RASGRP2: variants seen among roughly 807,000 people sequenced by gnomAD.
RASGRP2 encodes RAS guanyl releasing protein 2, also known as RAS guanyl-releasing protein 2.
Under a neutral mutation model 71.0 loss-of-function variants are expected in RASGRP2, and 44 were observed. That is an observed-to-expected ratio of 0.62 (90% confidence interval 0.49 to 0.80). The LOEUF (loss-of-function observed/expected upper bound fraction) is 0.80. Among genes scored for constraint, RASGRP2 ranks in the 30% least tolerant of loss-of-function variants. RASGRP2 has a pLI of 0.00. For missense variants in RASGRP2, 663 were observed against 813.4 expected (o/e 0.82, Z 2.25); for synonymous variants, 350 against 330.7 (o/e 1.06, Z -0.63).
intron 5 of RASGRP2, 108 bp downstream of exon 5, chr11:64,740,840 C>T (rs551599155): frequency 1.4e-5 from 20 of 1,468,754 alleles, no homozygotes; most frequent in East Asian, 6.8e-5. Flanking sequence ...GGTTTTTAAG[C>T]GAGAGAGCAA....
Position 64,742,922 on chromosome 11 carries a change from G to C in RASGRP2, c.-56C>G, listed in dbSNP as rs770564842. On this transcript the variant is annotated 5_prime_UTR_variant, in exon 2 of 17. Transcript: ENST00000394432. This position sits in a 1 kb window ranked among gnomAD's most constrained non-coding sequence, Gnocchi z 4.7. ...GCTGCGCTCCGGGAGCCTCCCACCG[G>C]GCTCGGACCGAACCCCTGTCCCGGG... The C allele has an allele frequency of 1.8e-5, 27 of 1,540,304 alleles. No individual in the cohort carries two copies. Among genetic ancestry groups the C allele is most frequent in the Admixed American group, 5.8e-5 (3 of 51,284 alleles).
chr11:64,739,997 A>G lies in RASGRP2; in HGVS notation c.522+16T>C, dbSNP rs760415547. On this transcript the variant is annotated intron_variant, in intron 6 of 16. Transcript: ENST00000394432. This position sits in a 1 kb window ranked among gnomAD's most constrained non-coding sequence, Gnocchi z 4.2. The stretch of plus-strand genomic sequence containing the variant: ...GCCCACATTGGACCCCTGACCCCCC[A>G]GCCCTCGGGCCGCACCAGGATCTTG... 6 of 1,613,948 alleles carry G rather than the reference A, an allele frequency of 3.7e-6. No individual in the cohort carries two copies. The East Asian group carries it at 1.3e-4, about 36-fold the overall frequency.
In RASGRP2 at chr11:64,735,965, A is replaced by G; in HGVS notation, c.1111T>C (p.Tyr371His). ...TGGTACAGCTCATCCTCCGTCTGATACTGATCCAGAGACACCTGGGACACA... is the reference window on the plus strand; with the variant it reads ...TGGTACAGCTCATCCTCCGTCTGATGCTGATCCAGAGACACCTGGGACACA... ...LSLLTVSLDQYQTEDELYQLS... is the reference protein window; with the variant it reads ...LSLLTVSLDQHQTEDELYQLS... Residue 371 changes from tyrosine (Y) to histidine (H), a missense_variant, in exon 10 of 17, where the codon TAT becomes CAT. Coordinates refer to ENST00000394432, the MANE Select transcript of RASGRP2 (RefSeq NM_001098671.2). The surrounding 1 kb of genome is among the most constrained non-coding windows in gnomAD (Gnocchi z 4.2). 6.2e-7 allele frequency: 1 copy of G among 1,613,940 alleles called. No homozygotes were observed. Among genetic ancestry groups the G allele is most frequent in the Non-Finnish European group, 8.5e-7 (1 of 1,179,944 alleles).
Position 64,729,776 on chromosome 11 carries a change from C to G in RASGRP2, c.1577G>C (p.Gly526Ala). ...TTCCATCTCACCTCGGCATTTGAGG[C>G]CCTGCTTGTAGATGCCCAGGATCTG... ...KALILGIYKQ[G>A]LKCRACGVNC... Residue 526 changes from glycine to alanine, a missense_variant, in exon 14 of 17, where the codon GGC becomes GCC. Physicochemically the swap from Gly to Ala is moderately conservative, Grantham distance 60. Transcript: ENST00000394432. 1 of 1,614,114 alleles carries G rather than the reference C, an allele frequency of 6.2e-7. No individual in the cohort carries two copies. The highest frequency in any genetic ancestry group is 8.5e-7 in the Non-Finnish European group (1 of 1,180,030).
chr11:64,743,885 G>C lies in RASGRP2; in HGVS notation c.-72+118C>G. Reference sequence around the variant, plus strand: ...GCCGGGGACCTAAGTGGAGGTGCAGGCGTCCGCACTTACACGCACCGGGCC... The same window carrying C: ...GCCGGGGACCTAAGTGGAGGTGCAGCCGTCCGCACTTACACGCACCGGGCC... On this transcript the variant is annotated intron_variant, in intron 1 of 16. Transcript: ENST00000394432. This position sits in a 1 kb window ranked among gnomAD's most constrained non-coding sequence, Gnocchi z 4.9. 1.5e-6 allele frequency: 1 copy of C among 672,556 alleles called. No homozygotes were observed. Among genetic ancestry groups the C allele is most frequent in the African/African-American group, 2.0e-5 (1 of 50,212 alleles). The allele number at this position is 672,556 out of a possible 1,614,324, so 41.7% of individuals were successfully genotyped here.
chr11:64,727,890 G>A (rs996278545), intron 15 of RASGRP2, among the ~76,000 whole-genome samples: 4 of 152,106 alleles, frequency 2.6e-5, no homozygotes, highest in Admixed American at 2.0e-4. Flanking sequence ...ATTTGTCAGC[G>A]CAGTTTGCTT....
intron 5 of RASGRP2, chr11:64,740,462 G>A (rs1363842208): frequency 1.6e-6 from 1 of 640,556 alleles, no homozygotes; most frequent in Admixed American, 2.1e-5. Context: ...GAGGGAGACA[G>A]ACACAGAAAC....
chr11:64,727,414 C>T, intron 15 of RASGRP2, 54 bp from the exon 16 acceptor site: 2 of 1,561,540 alleles, frequency 1.3e-6, no homozygotes, highest in Non-Finnish European at 1.8e-6. Flanking sequence ...GGGACTTCAT[C>T]AACCCTTCCC....
chr11:64,730,079 C>T lies in RASGRP2; in HGVS notation c.1528G>A (p.Val510Ile), dbSNP rs1257566950. The change falls in exon 13 of 17, where the codon GTC becomes ATC. Residue 510 changes from valine to isoleucine, a missense_variant. Physicochemically the swap from Val to Ile is conservative, Grantham distance 29. Transcript: ENST00000394432. ...AGGGCTTTGCAGTGGCGGCAGGCGACGGGGCGCAAGGAGTTGCTCTCCTGG... is the reference window on the plus strand; with the variant it reads ...AGGGCTTTGCAGTGGCGGCAGGCGATGGGGCGCAAGGAGTTGCTCTCCTGG... ...NFQESNSLRP[V>I]ACRHCKALIL... 12 of 1,550,144 alleles carry T rather than the reference C, an allele frequency of 7.7e-6. No individual in the cohort carries two copies. The highest frequency in any genetic ancestry group is 2.1e-4 in the Middle Eastern group (1 of 4,724).
rs1004911225 is a variant in RASGRP2 at position 64,728,973 on chromosome 11, C to T, written c.1661G>A (p.Ser554Asn). The T allele has an allele frequency of 1.2e-6, 2 of 1,611,110 alleles. No homozygotes were observed. The highest frequency in any genetic ancestry group is 8.5e-7 in the Non-Finnish European group (1 of 1,179,646). The change falls in exon 15 of 17, where the codon AGT (serine) becomes AAT (asparagine). Residue 554 changes from serine (S) to asparagine (N), a missense_variant. Physicochemically the swap from Ser to Asn is conservative, Grantham distance 46. Coordinates refer to ENST00000394432, the MANE Select transcript of RASGRP2 (RefSeq NM_001098671.2). ...GGGTGCAGACCCCTCCAGGCTCACACTCTGGGCCCTGCGCCGACACTCAAC... is the reference window on the plus strand; with the variant it reads ...GGGTGCAGACCCCTCCAGGCTCACATTCTGGGCCCTGCGCCGACACTCAAC... ...LSVECRRRAQ[S>N]VSLEGSAPSP...
At chr11:64,730,250 C>A in intron 12 of RASGRP2, 56 bp from the exon 13 acceptor site, 1 of 1,548,602 alleles carries the variant, frequency 6.5e-7, no homozygotes. Flanking sequence ...CCATCCACCG[C>A]TGGCCTAACC....
chr11:64,736,867 G>A lies in RASGRP2; in HGVS notation c.981C>T (p.Thr327=). Residue 327 remains threonine, a synonymous_variant, in exon 9 of 17, where the codon ACC becomes ACT. Transcript: ENST00000394432. Reference sequence around the variant, plus strand: ...GCTTCATCTTGGCCCCGTTGAGCCGGGTCCGGGCTGGGTCCAGCCAGTCAG... The same window carrying A: ...GCTTCATCTTGGCCCCGTTGAGCCGAGTCCGGGCTGGGTCCAGCCAGTCAG... The part of the protein sequence containing the change: ...ALPDWLDPAR[T]RLNGAKMKQL... 1 of 1,613,758 alleles carries A rather than the reference G, an allele frequency of 6.2e-7. No homozygotes were observed. The highest frequency in any genetic ancestry group is 1.1e-5 in the South Asian group (1 of 91,082).
chr11:64,742,965 C>A lies in RASGRP2; in HGVS notation c.-71-28G>T. ...GTCCCGGGAGAGGCAGAGCGGGAGTCTGCGGAGTCGCGGGCGGGGGAGCGG... is the reference window on the plus strand; with the variant it reads ...GTCCCGGGAGAGGCAGAGCGGGAGTATGCGGAGTCGCGGGCGGGGGAGCGG... On this transcript the variant is annotated intron_variant, in intron 1 of 16. Coordinates refer to ENST00000394432, the MANE Select transcript of RASGRP2 (RefSeq NM_001098671.2). This position sits in a 1 kb window ranked among gnomAD's most constrained non-coding sequence, Gnocchi z 4.7. The A allele has an allele frequency of 6.6e-7, 1 of 1,516,538 alleles. No individual in the cohort carries two copies. The highest frequency in any genetic ancestry group is 8.8e-7 in the Non-Finnish European group (1 of 1,136,844). The allele number at this position is 1,516,538 out of a possible 1,614,324, so 93.9% of individuals were successfully genotyped here. A position where few individuals can be genotyped will look rare whatever the true frequency, so the allele number is the denominator to read the frequency against.
In RASGRP2 at chr11:64,744,081, C is replaced by T. The variant is rs1284972920; in HGVS notation, c.-150G>A. 12 of 988,022 alleles carry T rather than the reference C, an allele frequency of 1.2e-5. No individual in the cohort carries two copies. Among genetic ancestry groups the T allele is most frequent in the Non-Finnish European group, 1.4e-5 (12 of 830,846 alleles). 61.2% of individuals were successfully genotyped at this position (988,022 alleles called of 1,614,324 possible). A position where few individuals can be genotyped will look rare whatever the true frequency, so the allele number is the denominator to read the frequency against. On this transcript the variant is annotated 5_prime_UTR_variant, in exon 1 of 17. Coordinates refer to ENST00000394432, the MANE Select transcript of RASGRP2 (RefSeq NM_001098671.2). ...TGCTGTTCACTTGAGCCAGGCCAGC[C>T]TTGAGTCCCGCGGCCACACAGGCGC...
intron 4 of RASGRP2, 90 bp from the exon 5 acceptor site, chr11:64,741,169 G>A: frequency 6.7e-7 from 1 of 1,492,952 alleles, no homozygotes; most frequent in Non-Finnish European, 9.1e-7. Context: ...AGTCACCTAA[G>A]CAAAAAGACC....
At chr11:64,741,749 T>C (rs1160828490) in intron 3 of RASGRP2, among the ~76,000 whole-genome samples, 1 of 151,828 alleles carries the variant, frequency 6.6e-6, no homozygotes, top group Non-Finnish European at 1.5e-5. Flanking sequence ...CACCCAAGCC[T>C]GAAGCAGGGG....
In RASGRP2 at chr11:64,741,632, G is replaced by A. The variant is rs1027467150; in HGVS notation, c.177-131C>T. On this transcript the variant is annotated intron_variant, in intron 3 of 16. Coordinates refer to ENST00000394432, the MANE Select transcript of RASGRP2 (RefSeq NM_001098671.2). ...GCTTGCGCTCTGCGGAGATGCTGGGGGTGAGGCTTGAGCTCTGGGAGGGGT... is the reference window on the plus strand; with the variant it reads ...GCTTGCGCTCTGCGGAGATGCTGGGAGTGAGGCTTGAGCTCTGGGAGGGGT... The A allele has an allele frequency of 1.3e-5, 11 of 860,150 alleles. No individual in the cohort carries two copies. The African/African-American group carries it at 1.3e-4, about 10-fold the overall frequency. The allele number at this position is 860,150 out of a possible 1,614,324, so 53.3% of individuals were successfully genotyped here.
At chr11:64,736,555 T>G (rs957117395) in intron 9 of RASGRP2, among the ~76,000 whole-genome samples, 198 bp downstream of exon 9, 1 of 152,078 alleles carries the variant, frequency 6.6e-6, no homozygotes, top group African/African-American at 2.4e-5. Context: ...CATACCAGCC[T>G]GGAGATCAGA....
chr11:64,740,180 A>C lies in RASGRP2; in HGVS notation c.372-17T>G. On this transcript the variant is annotated splice_polypyrimidine_tract_variant and intron_variant, in intron 5 of 16. Transcript: ENST00000394432. The stretch of plus-strand genomic sequence containing the variant: ...TAGGTAGGGCTGGGGGGGCAGGGGT[A>C]GTGAGCCCTTTGCTGGACATGCGCA... 2.5e-6 allele frequency: 4 copies of C among 1,613,900 alleles called. No homozygotes were observed. The highest frequency in any genetic ancestry group is 3.4e-6 in the Non-Finnish European group (4 of 1,179,958).
Sources: gnomAD v4.1 joint callset for allele counts (sites outside exome capture counted in the v4.1 genomes callset) on GRCh38, gnomAD v4.1.1 for gene constraint, Gnocchi (gnomAD v3.1) non-coding constraint, MANE v1.5 for transcripts, NCBI Gene and HGNC (gene_info 2026-07-23, HGNC 2026-07-21) for gene names.